The following CFAP44 variants were observed in gnomAD, a reference collection of about 807,000 sequenced individuals.
CFAP44 encodes the protein cilia- and flagella-associated protein 44.
A neutral mutation model predicts 216.2 loss-of-function variants in CFAP44; 134 were observed. That is an observed-to-expected ratio of 0.62 (90% CI 0.54 to 0.72). The LOEUF (loss-of-function observed/expected upper bound fraction) is 0.72, where lower values mean the gene tolerates loss of function less well. Ranked by LOEUF, CFAP44 falls within the 30% of genes least tolerant of loss-of-function variation. The pLI is 0.00. For synonymous variants in CFAP44, 700 were observed against 727.6 expected, an observed-to-expected ratio of 0.96 and a Z score of 0.61; for missense variants, 2,035 against 2,182.1, an observed-to-expected ratio of 0.93 and a Z score of 1.34.
chr3:113,338,529 G>A (rs980295920), intron 24 of CFAP44, among the ~76,000 whole-genome samples: 3 of 151,788 alleles, frequency 2.0e-5, no homozygotes, highest in Non-Finnish European at 2.9e-5. Context: ...TGCTTGTCAC[G>A]TGAAACTACC....
intron 17 of CFAP44, among the ~76,000 whole-genome samples, chr3:113,379,026 T>C (rs573037444): frequency 6.6e-6 from 1 of 152,272 alleles, no homozygotes; most frequent in African/African-American, 2.4e-5. Flanking sequence ...CATGTATGAT[T>C]GACAAGCAGA....
chr3:113,310,682 G>A (rs1950029119), intron 28 of CFAP44, among the ~76,000 whole-genome samples: 1 of 152,200 alleles, frequency 6.6e-6, no homozygotes, highest in African/African-American at 2.4e-5. Flanking sequence ...AGTGTTGGAG[G>A]AGGGGCCTGT....
chr3:113,297,469 C>A (rs1949893475), intron 32 of CFAP44, among the ~76,000 whole-genome samples: 1 of 152,122 alleles, frequency 6.6e-6, no homozygotes, highest in African/African-American at 2.4e-5. Flanking sequence ...CCCCAGAGAT[C>A]CACACGGCTT....
At chr3:113,407,920 A>T (rs894696011) in intron 7 of CFAP44, among the ~76,000 whole-genome samples, 2 of 152,200 alleles carry the variant, frequency 1.3e-5, no homozygotes, top group Non-Finnish European at 2.9e-5. Context: ...ACATGAAATT[A>T]ACTGTTCAAT....
chr3:113,341,207 C>T (rs554015573), intron 24 of CFAP44, among the ~76,000 whole-genome samples: 1 of 152,162 alleles, frequency 6.6e-6, no homozygotes, highest in South Asian at 2.1e-4. Context: ...GCAGGAAATG[C>T]CTGTCCTCAC....
intron 24 of CFAP44, among the ~76,000 whole-genome samples, chr3:113,340,432 C>T (rs1381471567): frequency 1.3e-5 from 2 of 152,106 alleles, no homozygotes; most frequent in African/African-American, 2.4e-5. Flanking sequence ...AGCCTCTTAC[C>T]CACAGGAAAG....
At chr3:113,408,780 T>C (rs1934363819) in intron 7 of CFAP44, among the ~76,000 whole-genome samples, 1 of 150,894 alleles carries the variant, frequency 6.6e-6, no homozygotes, top group Admixed American at 6.6e-5. Context: ...GGAGAATCGC[T>C]TGAACCCAGG....
At chr3:113,437,142 G>A (rs1935257633) in intron 1 of CFAP44, among the ~76,000 whole-genome samples, 1 of 152,138 alleles carries the variant, frequency 6.6e-6, no homozygotes, top group South Asian at 2.1e-4. Flanking sequence ...GAGGCCACTC[G>A]CATTCCTTGA....
rs1933440414 is a variant in CFAP44 at position 113,379,307 on chromosome 3, A to G, written c.2297T>C (p.Leu766Ser). The G allele has an allele frequency of 1.9e-6, 3 of 1,556,070 alleles. No homozygotes were observed. The South Asian group carries it at 3.7e-5, about 19-fold the overall frequency. Reference sequence around the variant, plus strand: ...AAAAATTATTACATTGTTACTTACCAAAGAAACCCAGAACTTCCCTGGCTC... The same window carrying G: ...AAAAATTATTACATTGTTACTTACCGAAGAAACCCAGAACTTCCCTGGCTC... ...YSEPGKFWVS[L>S]GGYDSGFLYH... is the part of the protein sequence containing the mutation. Residue 766 changes from leucine (L) to serine (S), a missense_variant and splice_region_variant, in exon 17 of 35, where the codon TTG (leucine) becomes TCG (serine). Physicochemically the swap from Leu to Ser is moderately radical, Grantham distance 145. Transcript: ENST00000393845.
chr3:113,410,044 T>C (rs546947734), intron 6 of CFAP44, among the ~76,000 whole-genome samples: 2 of 152,318 alleles, frequency 1.3e-5, no homozygotes, highest in African/African-American at 4.8e-5. Flanking sequence ...TTGTTTAGCA[T>C]ATAATCAAGA....
rs746067426 is a variant in CFAP44, at chr3:113,426,265, G to T, written c.266C>A (p.Thr89Asn). 20 of 1,613,420 alleles carry T rather than the reference G, an allele frequency of 1.2e-5. No homozygotes were observed. Among genetic ancestry groups the T allele is most frequent in the East Asian group, 2.2e-5 (1 of 44,870 alleles). ...DLQSTTVPQQ[T>N]PAPAVEEAEE... Reference sequence around the variant, plus strand: ...TGCTTCTTCCACAGCTGGAGCAGGGGTTTGCTGAGGTACTAAAAAAATAAA... The same window carrying T: ...TGCTTCTTCCACAGCTGGAGCAGGGTTTTGCTGAGGTACTAAAAAAATAAA... Residue 89 changes from threonine (T) to asparagine (N), a missense_variant, in exon 4 of 35, where the codon ACC becomes AAC. Physicochemically the swap from Thr to Asn is moderately conservative, Grantham distance 65 (BLOSUM62 0). Transcript: ENST00000393845.
chr3:113,398,509 G>A (rs903394606), intron 13 of CFAP44, among the ~76,000 whole-genome samples: 1 of 152,136 alleles, frequency 6.6e-6, no homozygotes, highest in Admixed American at 6.6e-5. Flanking sequence ...AACATTACAC[G>A]ATCATCTGAA....
Position 113,306,329 on chromosome 3 carries a change from A to T in CFAP44, c.4630T>A (p.Cys1544Ser). ...GCCAGCTCAAAAAGAGCCACATCAC[A>T]ATCTGCCAAGAGAATTAAAATAAAA... ...VFDDSICPTN[C>S]DVALFELALH... The change falls in exon 30 of 35, where the codon TGT becomes AGT. Residue 1544 changes from cysteine (C) to serine (S), a missense_variant and splice_region_variant. By Grantham distance (112) the Cys-to-Ser change is moderately radical. Around this residue, in one of 3 missense-constraint regions of CFAP44, gnomAD observed 1,883 missense variants for 2,023.7 expected, o/e 0.93. Coordinates refer to ENST00000393845, the MANE Select transcript of CFAP44 (RefSeq NM_001164496.2). The T allele has an allele frequency of 2.0e-6, 3 of 1,535,930 alleles. No individual in the cohort carries two copies. Among genetic ancestry groups the T allele is most frequent in the Non-Finnish European group, 2.6e-6 (3 of 1,146,528 alleles).
At chr3:113,425,197 T>C (rs567087664) in intron 4 of CFAP44, among the ~76,000 whole-genome samples, 1 of 152,208 alleles carries the variant, frequency 6.6e-6, no homozygotes, top group Non-Finnish European at 1.5e-5. Context: ...TTTAACAACA[T>C]GTTCTATTTT....
At chr3:113,385,049 T>G (rs1006074649) in intron 15 of CFAP44, among the ~76,000 whole-genome samples, 2 of 152,176 alleles carry the variant, frequency 1.3e-5, no homozygotes, top group African/African-American at 2.4e-5. Flanking sequence ...GCTGTTTTCA[T>G]GACAGTGAAT....
At position 113,338,255 on chromosome 3, in the gene CFAP44, C is replaced by CAAAAAAAAAAAAAAAAA. The variant is rs10574877; in HGVS notation, c.3437+3472_3437+3488dup. ...CTGGACAACACACGAGACAATGTCT[C>CAAAAAAAAAAAAAAAAA]AAAAAAAAAAAAAAAAAAAAAAAAA... On this transcript the variant is annotated intron_variant, in intron 24 of 34. Coordinates refer to ENST00000393845, the MANE Select transcript of CFAP44 (RefSeq NM_001164496.2). 3.0e-4 allele frequency among the ~76,000 whole-genome samples: 13 copies of CAAAAAAAAAAAAAAAAA among 43,046 alleles called. 1 individual carries two copies. The highest frequency in any genetic ancestry group is 6.9e-4 in the African/African-American group (6 of 8,730). 28.2% of individuals were successfully genotyped at this position (43,046 alleles called of 152,430 possible).
intron 6 of CFAP44, among the ~76,000 whole-genome samples, chr3:113,410,498 A>T (rs960846338): frequency 1.3e-5 from 2 of 152,194 alleles, no homozygotes; most frequent in South Asian, 4.1e-4. Context: ...TTATGGCTGC[A>T]TAGTATTCCA....
intron 28 of CFAP44, among the ~76,000 whole-genome samples, chr3:113,317,207 G>A (rs1487561302): frequency 6.6e-6 from 1 of 152,252 alleles, no homozygotes; most frequent in Non-Finnish European, 1.5e-5. Context: ...CCATGGATGT[G>A]TGACCTGGCA....
rs1312082499 is a variant in CFAP44 at position 113,407,154 on chromosome 3, ATTCAT to A, written c.891-118_891-114del. On this transcript the variant is annotated intron_variant, in intron 7 of 34. Transcript: ENST00000393845. ...GTTGCATATATTATTTCATTCATTC[ATTCAT>A]TTATCTGATTAAGATTTATTAAGTA... 1.8e-5 allele frequency: 15 copies of A among 815,684 alleles called. No homozygotes were observed. The African/African-American group carries it at 2.1e-4, about 11-fold the overall frequency. The allele number at this position is 815,684 out of a possible 1,614,324, so 50.5% of individuals were successfully genotyped here. A position where few individuals can be genotyped will look rare whatever the true frequency, so the allele number is the denominator to read the frequency against.
Sources: allele counts gnomAD v4.1 joint callset (sites outside exome capture counted in the v4.1 genomes callset), GRCh38; gene constraint gnomAD v4.1.1; regional missense constraint gnomAD v4.1.1; transcripts MANE v1.5; gene names NCBI Gene and HGNC (gene_info 2026-07-23, HGNC 2026-07-21).